ANPEP: variants seen among roughly 807,000 people sequenced by gnomAD.
The protein encoded by ANPEP is aminopeptidase N.
A neutral mutation model predicts 114.6 loss-of-function variants in ANPEP; 70 were observed. The observed-to-expected ratio is 0.61, with a 90% CI of 0.50 to 0.75. The LOEUF (loss-of-function observed/expected upper bound fraction) is 0.75. ANPEP is among the 30% of genes least tolerant of loss of function. The pLI is 0.00. For missense variants in ANPEP, 1,184 were observed against 1,259.5 expected (o/e 0.94, Z 0.91); for synonymous variants, 548 against 522.3 (o/e 1.05, Z -0.67).
At chr15:89,808,354 C>T (rs1249502346) in intron 1 of ANPEP, among the ~76,000 whole-genome samples, 1 of 152,240 alleles carries the variant, frequency 6.6e-6, no homozygotes, top group East Asian at 1.9e-4. Context: ...ACCTGTTCTG[C>T]AAAGCCCCAG....
At chr15:89,800,475 C>G (rs763911091) in intron 12 of ANPEP, among the ~76,000 whole-genome samples, 1 of 151,926 alleles carries the variant, frequency 6.6e-6, no homozygotes, top group Non-Finnish European at 1.5e-5. Context: ...TCATGCCCTT[C>G]GCTTCTTCAG....
rs1298846605 is a variant in ANPEP, at chr15:89,805,189, G to A, written c.786C>T (p.Pro262=). The A allele has an allele frequency of 1.4e-5, 22 of 1,614,092 alleles. No homozygotes were observed. The Admixed American group carries it at 3.3e-4, about 24-fold the overall frequency. ...TGTGGAACTCAGTGACATTCCAGTTGGGGTCTTCTGGAAGTGGGGTGCTGG... is the reference window on the plus strand; with the variant it reads ...TGTGGAACTCAGTGACATTCCAGTTAGGGTCTTCTGGAAGTGGGGTGCTGG... The part of the protein sequence containing the change: ...KGPSTPLPED[P]NWNVTEFHTT... The change falls in exon 4 of 21, where the codon CCC becomes CCT. Residue 262 remains proline, a synonymous_variant. Coordinates refer to ENST00000300060, the MANE Select transcript of ANPEP (RefSeq NM_001150.3).
Position 89,806,217 on chromosome 15 carries a change from G to GGAT in ANPEP, c.364_366dup (p.Ile122dup). The GGAT allele has an allele frequency of 6.2e-7, 1 of 1,614,114 alleles. No homozygotes were observed. Among genetic ancestry groups the GGAT allele is most frequent in the Non-Finnish European group, 8.5e-7 (1 of 1,179,998 alleles). ...AGGGTGTAGTTGAGCTTCTTGCTGT[G>GGAT]GATGATGATGACGTCAGTGGCCTCC... On this transcript the variant is annotated inframe_insertion, in exon 2 of 21. Transcript: ENST00000300060. This position sits in a 1 kb window ranked among gnomAD's most constrained non-coding sequence, Gnocchi z 5.7.
chr15:89,814,074 T>A (rs1056571311), intron 1 of ANPEP, among the ~76,000 whole-genome samples: 3 of 141,618 alleles, frequency 2.1e-5, no homozygotes, highest in Non-Finnish European at 4.5e-5. Context: ...AGACCAAGAG[T>A]GGATTGCAAT....
At chr15:89,809,005 G>A (rs764615745) in intron 1 of ANPEP, among the ~76,000 whole-genome samples, 2 of 152,092 alleles carry the variant, frequency 1.3e-5, no homozygotes, top group Non-Finnish European at 2.9e-5. Context: ...CCTTGGTCTG[G>A]GACCAGGATG....
intron 15 of ANPEP, among the ~76,000 whole-genome samples, chr15:89,796,090 T>C (rs1339250527): frequency 6.6e-6 from 1 of 152,188 alleles, no homozygotes; most frequent in Non-Finnish European, 1.5e-5. Context: ...GTGGTGCACA[T>C]CTGAGGTCCC....
intron 14 of ANPEP, among the ~76,000 whole-genome samples, chr15:89,797,960 C>T (rs868655332): frequency 6.6e-6 from 1 of 152,234 alleles, no homozygotes; most frequent in African/African-American, 2.4e-5. Flanking sequence ...TTGGCAGTTC[C>T]ACTCCTTTGC....
Position 89,797,787 on chromosome 15 carries a change from C to T in ANPEP, c.2010-65G>A, listed in dbSNP as rs112637194. 47 of 1,599,122 alleles carry T rather than the reference C, an allele frequency of 2.9e-5. 2 individuals are homozygous for T. In the African/African-American group the frequency reaches 4.2e-4, roughly 14 times the overall value. ...CCAGCCCAGCCACAGCCTGGGAACC[C>T]CAACCCAGGCCCTCAAAGATGCTCC... On this transcript the variant is annotated intron_variant, in intron 14 of 20. Coordinates refer to ENST00000300060, the MANE Select transcript of ANPEP (RefSeq NM_001150.3).
At chr15:89,807,955 T>C (rs1894751620) in intron 1 of ANPEP, among the ~76,000 whole-genome samples, 1 of 152,088 alleles carries the variant, frequency 6.6e-6, no homozygotes, top group Non-Finnish European at 1.5e-5. Context: ...TTCTCATCAT[T>C]TATGTGGACA....
chr15:89,789,261 T>C (rs1264473525), intron 20 of ANPEP, among the ~76,000 whole-genome samples: 1 of 151,950 alleles, frequency 6.6e-6, no homozygotes. Context: ...ACTACAGGTG[T>C]GAGCCACCAC....
Position 89,803,722 on chromosome 15 carries a change from C to G in ANPEP, c.1362G>C (p.Pro454=). 2 of 1,612,434 alleles carry G rather than the reference C, an allele frequency of 1.2e-6. No individual in the cohort carries two copies. Among genetic ancestry groups the G allele is most frequent in the Non-Finnish European group, 1.7e-6 (2 of 1,179,164 alleles). The part of the protein sequence containing the change: ...MAVDALASSH[P]LSTPASEINT... ...TGATCTCCGAGGCGGGTGTGGACAG[C>G]GGGTGGGAGGAGGCCAGTGCATCCA... Residue 454 remains proline, a synonymous_variant, in exon 8 of 21, where the codon CCG becomes CCC. Transcript: ENST00000300060. The surrounding 1 kb of genome is among the most constrained non-coding windows in gnomAD (Gnocchi z 4.2).
At chr15:89,802,805 G>T (rs117452123) in intron 10 of ANPEP, 58 of 196,122 alleles carry the variant, frequency 3.0e-4, no homozygotes, top group Non-Finnish European at 5.4e-4. Context: ...CGGGGCAGGG[G>T]CAGAGGGCAG....
chr15:89,789,718 A>G (rs896033928), intron 20 of ANPEP, among the ~76,000 whole-genome samples: 8 of 148,954 alleles, frequency 5.4e-5, no homozygotes, highest in African/African-American at 2.0e-4. Flanking sequence ...GGTTGCAGTG[A>G]GCCGAGATCA....
intron 10 of ANPEP, 132 bp from the exon 11 acceptor site, chr15:89,801,739 T>TGGGAGCC: frequency 9.2e-7 from 1 of 1,081,146 alleles, no homozygotes; most frequent in Non-Finnish European, 1.3e-6. Context: ...GGCACTGGGC[T>TGGGAGCC]GGGAGCCGGG....
In ANPEP at chr15:89,799,562, G is replaced by A; in HGVS notation, c.1820-3C>T. The A allele has an allele frequency of 6.2e-7, 1 of 1,614,212 alleles. No individual in the cohort carries two copies. Among genetic ancestry groups the A allele is most frequent in the Non-Finnish European group, 8.5e-7 (1 of 1,180,042 alleles). On this transcript the variant is annotated splice_polypyrimidine_tract_variant and splice_region_variant and intron_variant, in intron 12 of 20. Coordinates refer to ENST00000300060, the MANE Select transcript of ANPEP (RefSeq NM_001150.3). This position sits in a 1 kb window ranked among gnomAD's most constrained non-coding sequence, Gnocchi z 4.2. ...TGTGCTGAAGAGATCGTTCTGGGCT[G>A]TGGAGAGGGACGAGACCTGGGCAGG...
intron 1 of ANPEP, among the ~76,000 whole-genome samples, chr15:89,807,877 C>T (rs370387592): frequency 3.9e-5 from 6 of 152,092 alleles, no homozygotes; most frequent in East Asian, 3.8e-4. Context: ...ACCTCGACAC[C>T]GCCTGACCTC....
rs781513331 is a variant in ANPEP at position 89,806,407 on chromosome 15, G to A, written c.177C>T (p.Pro59=). 5 of 1,613,970 alleles carry A rather than the reference G, an allele frequency of 3.1e-6. No individual in the cohort carries two copies. Among genetic ancestry groups the A allele is most frequent in the African/African-American group, 2.7e-5 (2 of 74,896 alleles). Residue 59 remains proline (P), a synonymous_variant, in exon 2 of 21, where the codon CCC becomes CCT. Transcript: ENST00000300060. The surrounding 1 kb of genome is among the most constrained non-coding windows in gnomAD (Gnocchi z 5.7). Reference sequence around the variant, plus strand: ...TTTGGTCCAAGGTGGTGGCCGAGGCGGGGTTGGTGGTGGCTGAGGCGGACG... The same window carrying A: ...TTTGGTCCAAGGTGGTGGCCGAGGCAGGGTTGGTGGTGGCTGAGGCGGACG... ...TTPSASATTN[P]ASATTLDQSK...
At chr15:89,788,803 A>ATTTG (rs1422361992) in intron 20 of ANPEP, among the ~76,000 whole-genome samples, 1 of 151,076 alleles carries the variant, frequency 6.6e-6, no homozygotes, top group Non-Finnish European at 1.5e-5. Context: ...TTATTTATTT[A>ATTTG]GAGATGAGAT....
intron 20 of ANPEP, among the ~76,000 whole-genome samples, chr15:89,786,949 G>A (rs1238142359): frequency 2.6e-5 from 4 of 151,480 alleles, no homozygotes; most frequent in African/African-American, 7.3e-5. Context: ...CATGCAAAAG[G>A]AATGAAGTTG....
Sources: gnomAD v4.1 joint callset for allele counts (sites outside exome capture counted in the v4.1 genomes callset) on GRCh38, gnomAD v4.1.1 for gene constraint, Gnocchi (gnomAD v3.1) non-coding constraint, MANE v1.5 for transcripts, NCBI Gene and HGNC (gene_info 2026-07-23, HGNC 2026-07-21) for gene names.